RAB28: variants seen among roughly 807,000 people sequenced by gnomAD.
RAB28 encodes the protein RAB28, member RAS oncogene family.
Under a neutral mutation model 31.7 loss-of-function variants are expected in RAB28, and 24 were observed. The observed-to-expected ratio is 0.76, with a 90% CI of 0.55 to 1.06. The LOEUF (loss-of-function observed/expected upper bound fraction) is 1.06. Among genes scored for constraint, RAB28 ranks in the 50% least tolerant of loss-of-function variants. The pLI is 0.00. For missense variants in RAB28, 254 were observed against 258.5 expected (o/e 0.98, Z 0.12); for synonymous variants, 100 against 90.4 (o/e 1.11, Z -0.60).
At chr4:13,370,186 A>G in intron 6 of RAB28, 8 of 980,054 alleles carry the variant, frequency 8.2e-6, no homozygotes, top group Non-Finnish European at 9.7e-6. Flanking sequence ...AAGACCCAAG[A>G]AACATTATTC....
At chr4:13,385,875 G>A (rs1560270872) in intron 4 of RAB28, among the ~76,000 whole-genome samples, 1 of 152,090 alleles carries the variant, frequency 6.6e-6, no homozygotes, top group African/African-American at 2.4e-5. Context: ...TCAAAATGGA[G>A]TAAAGGCTTA....
At chr4:13,372,011 G>T (rs1040885199) in intron 6 of RAB28, 21 of 759,736 alleles carry the variant, frequency 2.8e-5, no homozygotes, top group Non-Finnish European at 4.7e-5. Context: ...GGCACAAGGT[G>T]TAAGGAGTAT....
At chr4:13,411,902 G>T (rs1225878998) in intron 4 of RAB28, among the ~76,000 whole-genome samples, 1 of 151,354 alleles carries the variant, frequency 6.6e-6, no homozygotes, top group African/African-American at 2.4e-5. Flanking sequence ...CCACTTAACA[G>T]GCAAAGAAAA....
intron 4 of RAB28, among the ~76,000 whole-genome samples, chr4:13,450,405 T>C (rs975986368): frequency 2.0e-5 from 3 of 151,948 alleles, no homozygotes; most frequent in African/African-American, 7.2e-5. Context: ...TGGCATTCAA[T>C]AGGCCACTTG....
At chr4:13,368,891 G>C (rs1477102289) in intron 6 of RAB28, among the ~76,000 whole-genome samples, 1 of 150,898 alleles carries the variant, frequency 6.6e-6, no homozygotes, top group Admixed American at 6.6e-5. Context: ...ATTAACTTGA[G>C]GTTATCATAA....
chr4:13,404,729 G>A (rs2108903428), intron 4 of RAB28, among the ~76,000 whole-genome samples: 1 of 152,214 alleles, frequency 6.6e-6, no homozygotes, highest in Admixed American at 6.5e-5. Flanking sequence ...TGGTAGGGAG[G>A]AAGTTGGAAT....
intron 4 of RAB28, among the ~76,000 whole-genome samples, chr4:13,387,376 A>G (rs945536249): frequency 3.3e-5 from 5 of 152,128 alleles, no homozygotes; most frequent in African/African-American, 1.2e-4. Context: ...ATTTAATTAT[A>G]AATTGTGAAG....
At chr4:13,436,319 T>C (rs1480548437) in intron 4 of RAB28, among the ~76,000 whole-genome samples, 1 of 152,094 alleles carries the variant, frequency 6.6e-6, no homozygotes, top group Non-Finnish European at 1.5e-5. Context: ...TCACTGTCAT[T>C]ACTCCTATTC....
At chr4:13,403,205 T>C (rs2108902226) in intron 4 of RAB28, among the ~76,000 whole-genome samples, 1 of 152,184 alleles carries the variant, frequency 6.6e-6, no homozygotes, top group East Asian at 1.9e-4. Flanking sequence ...ATAAAACTAT[T>C]TATGGACATT....
chr4:13,394,798 TTACTC>T (rs1340701775), intron 4 of RAB28, among the ~76,000 whole-genome samples: 2 of 152,008 alleles, frequency 1.3e-5, no homozygotes, highest in African/African-American at 4.8e-5. Flanking sequence ...TTTGAAAAAA[TTACTC>T]TAGCTACCAT....
chr4:13,443,723 T>C (rs1714537997), intron 4 of RAB28, among the ~76,000 whole-genome samples: 1 of 152,150 alleles, frequency 6.6e-6, no homozygotes, highest in African/African-American at 2.4e-5. Flanking sequence ...ACTACTCTCT[T>C]CTCAATTTTC....
chr4:13,437,088 T>C (rs1458595165), intron 4 of RAB28, among the ~76,000 whole-genome samples: 2 of 151,776 alleles, frequency 1.3e-5, no homozygotes, highest in South Asian at 4.2e-4. Flanking sequence ...TTCGACAAAG[T>C]TGACAAAAAT....
intron 4 of RAB28, among the ~76,000 whole-genome samples, chr4:13,393,943 TTA>T (rs564870229): frequency 3.7e-4 from 56 of 151,778 alleles, no homozygotes; most frequent in African/African-American, 1.3e-3. Flanking sequence ...TGACCACCTA[TTA>T]TATGTCAAGT....
intron 4 of RAB28, among the ~76,000 whole-genome samples, chr4:13,381,830 C>T (rs907900257): frequency 6.6e-6 from 1 of 151,440 alleles, no homozygotes; most frequent in Non-Finnish European, 1.5e-5. Flanking sequence ...GTATAATGCA[C>T]AAAGACCAGC....
At position 13,421,505 on chromosome 4, in the gene RAB28, ATAC is replaced by A. The variant is rs565467954; in HGVS notation, c.391+39191_391+39193del. On this transcript the variant is annotated intron_variant, in intron 4 of 6. Coordinates refer to ENST00000330852, the MANE Select transcript of RAB28 (RefSeq NM_001017979.3). ...GCATCATGCTACCTGACTTCAAACT[ATAC>A]TACAAGGCTACAGTAACCAAAACAA... Among the ~76,000 whole-genome samples the A allele has an allele frequency of 1.9e-3, 285 of 152,328 alleles. 1 individual carries two copies. The highest frequency in any genetic ancestry group is 6.6e-3 in the African/African-American group (275 of 41,584).
At chr4:13,415,381 T>C (rs572979673) in intron 4 of RAB28, among the ~76,000 whole-genome samples, 88 of 152,258 alleles carry the variant, frequency 5.8e-4, no homozygotes, top group African/African-American at 2.0e-3. Context: ...CTCCCTCAGC[T>C]TGCAGGGAGG....
At chr4:13,463,520 C>T (rs1377903274) in intron 3 of RAB28, among the ~76,000 whole-genome samples, 2 of 152,140 alleles carry the variant, frequency 1.3e-5, no homozygotes, top group East Asian at 3.8e-4. Context: ...GTGGCTACAA[C>T]AGAGACAACA....
chr4:13,367,737 T>A lies in RAB28; in HGVS notation c.*821A>T. 3 of 983,018 alleles carry A rather than the reference T, an allele frequency of 3.1e-6. No homozygotes were observed. Among genetic ancestry groups the A allele is most frequent in the Non-Finnish European group, 3.6e-6 (3 of 827,808 alleles). The allele number at this position is 983,018 out of a possible 1,614,324, so 60.9% of individuals were successfully genotyped here. ...TGCCAAAAGAAGTAATTTAAATAAG[T>A]TTATTTGTGAAAGAAAAACATCTGA... On this transcript the variant is annotated 3_prime_UTR_variant, in exon 7 of 7. Coordinates refer to ENST00000330852, the MANE Select transcript of RAB28 (RefSeq NM_001017979.3).
At chr4:13,386,421 A>C (rs1729371834) in intron 4 of RAB28, among the ~76,000 whole-genome samples, 1 of 151,328 alleles carries the variant, frequency 6.6e-6, no homozygotes, top group Non-Finnish European at 1.5e-5. Flanking sequence ...AGAAAAAAAA[A>C]CAGCTCAATT....
Sources: allele counts gnomAD v4.1 joint callset (sites outside exome capture counted in the v4.1 genomes callset), GRCh38; gene constraint gnomAD v4.1.1; transcripts MANE v1.5; gene names NCBI Gene and HGNC (gene_info 2026-07-23, HGNC 2026-07-21).